Variants in F8 observed in about 807,000 individuals in gnomAD.
The protein encoded by F8 is coagulation factor VIII.
A neutral mutation model predicts 140.6 loss-of-function variants in F8; 12 were observed. That is an observed-to-expected ratio of 0.09 (90% CI 0.05 to 0.14). F8 has a LOEUF of 0.14. F8 is among the 10% of genes least tolerant of loss of function. The pLI, the probability that F8 is intolerant of heterozygous loss-of-function variation, is 1.00. For synonymous variants in F8, 585 were observed against 614.6 expected (o/e 0.95, Z 0.71); for missense variants, 1,354 against 1,720.7 (o/e 0.79, Z 3.77).
intron 6 of F8, among the ~76,000 whole-genome samples, chrX:154,982,380 A>G (rs1210657355): frequency 3.5e-4 from 34 of 97,436 alleles, no homozygotes; most frequent in Middle Eastern, 5.3e-3. Context: ...CCCGGGGGGC[A>G]GAGCCTGCAG....
At chrX:154,970,805 G>A (rs896109247) in intron 6 of F8, among the ~76,000 whole-genome samples, 1 of 111,188 alleles carries the variant, frequency 9.0e-6, no homozygotes, top group Admixed American at 9.6e-5. Flanking sequence ...TGTATTATAG[G>A]CTTACATAGA....
intron 13 of F8, among the ~76,000 whole-genome samples, chrX:154,932,993 G>T (rs1192966826): frequency 2.7e-5 from 3 of 111,546 alleles, no homozygotes; most frequent in Admixed American, 1.9e-4. Flanking sequence ...TTACCAAAAT[G>T]GACTTTTATT....
At chrX:154,849,309 T>C (rs1386159649) in intron 25 of F8, among the ~76,000 whole-genome samples, 1 of 111,389 alleles carries the variant, frequency 9.0e-6, no homozygotes, top group Non-Finnish European at 1.9e-5. Context: ...AGCAATACTT[T>C]CTTGCTTTAA....
chrX:154,840,870 T>A (rs2072514125), intron 25 of F8, among the ~76,000 whole-genome samples: 1 of 112,299 alleles, frequency 8.9e-6, no homozygotes, highest in Non-Finnish European at 1.9e-5. Context: ...ATTCTATTGA[T>A]CAAGATGAGC....
At chrX:154,841,807 G>T (rs1365555704) in intron 25 of F8, among the ~76,000 whole-genome samples, 2 of 111,275 alleles carry the variant, frequency 1.8e-5, no homozygotes, top group African/African-American at 6.5e-5. Flanking sequence ...ATCCAATTTG[G>T]ATCCATATTG....
chrX:154,947,599 T>C, intron 13 of F8, 99 bp downstream of exon 13: 1 of 652,767 alleles, frequency 1.5e-6, no homozygotes, highest in Non-Finnish European at 2.5e-6. Flanking sequence ...AGGAAGAAAA[T>C]GCTATAAATG....
At chrX:154,866,336 T>A (rs1307147621) in intron 22 of F8, among the ~76,000 whole-genome samples, 3 of 111,628 alleles carry the variant, frequency 2.7e-5, no homozygotes, top group Non-Finnish European at 5.6e-5. Context: ...GAATAGATCA[T>A]CCCAACAGAA....
intron 14 of F8, among the ~76,000 whole-genome samples, chrX:154,909,959 C>A (rs782006184): frequency 1.8e-5 from 2 of 112,044 alleles, no homozygotes; most frequent in East Asian, 5.6e-4. Context: ...CTTATCCCTT[C>A]TATTTAAGTG....
rs1032816312 is a variant in F8 at position 154,836,235 on chromosome X, T to A, written c.*1362A>T. 1.8e-5 allele frequency: 2 copies of A among 112,022 alleles called. No individual in the cohort carries two copies. Among genetic ancestry groups the A allele is most frequent in the Admixed American group, 9.5e-5 (1 of 10,552 alleles). The allele number at this position is 112,022 out of a possible 1,213,427, so 9.2% of individuals were successfully genotyped here. On this transcript the variant is annotated 3_prime_UTR_variant, in exon 26 of 26. Coordinates refer to ENST00000360256, the MANE Select transcript of F8 (RefSeq NM_000132.4). ...TCCATTTTTCTTTCATATTAGGATC[T>A]CCTGTTTTCCATTTGCCCTGGGTTG...
intron 6 of F8, among the ~76,000 whole-genome samples, chrX:154,973,685 A>G (rs1603435576): frequency 1.8e-5 from 2 of 112,458 alleles, no homozygotes; most frequent in African/African-American, 6.5e-5. Context: ...GATTTTGTAG[A>G]CTACAAGTTT....
At chrX:154,837,824 C>T (rs1415274531) in intron 25 of F8, 72 bp from the exon 26 acceptor site, 2 of 1,051,656 alleles carry the variant, frequency 1.9e-6, no homozygotes, top group Non-Finnish European at 2.7e-6. Context: ...AGACGCTTTT[C>T]TCACTTCTAG....
intron 14 of F8, among the ~76,000 whole-genome samples, chrX:154,927,340 T>G (rs2073166357): frequency 9.0e-6 from 1 of 111,169 alleles, no homozygotes; most frequent in Non-Finnish European, 1.9e-5. Context: ...AGTGGAGAGA[T>G]AAATTGATGA....
chrX:154,899,031 G>A (rs2072996823), intron 21 of F8, among the ~76,000 whole-genome samples: 1 of 112,098 alleles, frequency 8.9e-6, no homozygotes, highest in Non-Finnish European at 1.9e-5. Context: ...TCTCTATATA[G>A]GGATACACTT....
chrX:154,901,102 G>A (rs2073007396), intron 20 of F8, among the ~76,000 whole-genome samples: 1 of 111,876 alleles, frequency 8.9e-6, no homozygotes, highest in Non-Finnish European at 1.9e-5. Flanking sequence ...GCTTCCTGCT[G>A]CACTGAAAAG....
At chrX:154,981,327 T>C (rs1210661936) in intron 6 of F8, among the ~76,000 whole-genome samples, 2 of 110,351 alleles carry the variant, frequency 1.8e-5, no homozygotes, top group Non-Finnish European at 3.8e-5. Flanking sequence ...TACCTTGATG[T>C]TTCTGTGAGG....
Position 154,993,024 on chromosome X carries a change from C to T in F8, c.513G>A (p.Leu171=), listed in dbSNP as rs991656885. ...KENGPMASDP[L]CLTYSYLSHV... Reference sequence around the variant, plus strand: ...GAGAAAGATATGAGTAGGTAAGGCACAGTGGGTCAGAGGCCATTGGACCAT... The same window carrying T: ...GAGAAAGATATGAGTAGGTAAGGCATAGTGGGTCAGAGGCCATTGGACCAT... Residue 171 remains leucine, a synonymous_variant, in exon 4 of 26, where the codon CTG becomes CTA. Coordinates refer to ENST00000360256, the MANE Select transcript of F8 (RefSeq NM_000132.4). 3.3e-6 allele frequency: 4 copies of T among 1,210,281 alleles called. No homozygotes were observed. The highest frequency in any genetic ancestry group is 4.5e-6 in the Non-Finnish European group (4 of 895,213).
At chrX:154,906,631 C>A in intron 14 of F8, 58 bp from the exon 15 acceptor site, 1 of 1,073,171 alleles carries the variant, frequency 9.3e-7, no homozygotes. Flanking sequence ...GGTAGAAATG[C>A]CTCACATCCT....
intron 1 of F8, among the ~76,000 whole-genome samples, chrX:155,007,119 G>A (rs782052795): frequency 1.7e-4 from 19 of 110,084 alleles, no homozygotes; most frequent in African/African-American, 6.3e-4. Flanking sequence ...AGGGCCCAGC[G>A]TACTGATAAG....
chrX:155,010,275 A>G (rs2073700203), intron 1 of F8, among the ~76,000 whole-genome samples: 2 of 112,194 alleles, frequency 1.8e-5, no homozygotes, highest in African/African-American at 6.5e-5. Flanking sequence ...TTCAATATAG[A>G]AATCCTGCCA....
Sources: allele counts gnomAD v4.1 joint callset (sites outside exome capture counted in the v4.1 genomes callset), GRCh38; gene constraint gnomAD v4.1.1; transcripts MANE v1.5; gene names NCBI Gene and HGNC (gene_info 2026-07-23, HGNC 2026-07-21).